Variants in VTI1A observed in about 807,000 individuals in gnomAD.
VTI1A encodes vesicle transport through interaction with t-SNAREs homolog 1A.
In VTI1A, 22 loss-of-function variants were observed where a neutral mutation model predicts 34.9. The ratio of observed to expected loss-of-function variants is 0.63; its 90% CI spans 0.45 to 0.90. VTI1A has a LOEUF of 0.90. Among genes scored for constraint, VTI1A ranks in the 40% least tolerant of loss-of-function variants. The pLI, the probability that VTI1A is intolerant of heterozygous loss-of-function variation, is 0.00. For missense variants in VTI1A, 268 were observed against 275.6 expected (o/e 0.97, Z 0.20); for synonymous variants, 87 against 97.3 (o/e 0.89, Z 0.62).
chr10:112,724,682 A>G (rs542078957), intron 7 of VTI1A, among the ~76,000 whole-genome samples: 1 of 151,968 alleles, frequency 6.6e-6, no homozygotes, highest in Non-Finnish European at 1.5e-5. Context: ...AAGTTTGGAC[A>G]TGAACTCAAA....
At chr10:112,713,134 T>C (rs1221622114) in intron 7 of VTI1A, among the ~76,000 whole-genome samples, 5 of 152,178 alleles carry the variant, frequency 3.3e-5, no homozygotes, top group Non-Finnish European at 7.3e-5. Flanking sequence ...AGATTTGAGA[T>C]GGACCCATGG....
intron 7 of VTI1A, among the ~76,000 whole-genome samples, chr10:112,774,228 G>A (rs1171431395): frequency 6.6e-6 from 1 of 152,248 alleles, no homozygotes; most frequent in East Asian, 1.9e-4. Context: ...GAGCTATTTT[G>A]TTGGGGAGAG....
At chr10:112,668,406 A>G (rs1847724186) in intron 6 of VTI1A, 118 bp downstream of exon 6, 1 of 1,106,520 alleles carries the variant, frequency 9.0e-7, no homozygotes. Flanking sequence ...GAAAGAGGGT[A>G]TAAGGTCTGT....
At chr10:112,659,091 C>T (rs1278311563) in intron 5 of VTI1A, among the ~76,000 whole-genome samples, 1 of 152,182 alleles carries the variant, frequency 6.6e-6, no homozygotes, top group Non-Finnish European at 1.5e-5. Context: ...TAATTACTTT[C>T]TAATCACCTC....
intron 1 of VTI1A, among the ~76,000 whole-genome samples, chr10:112,455,857 C>T (rs1203361125): frequency 6.6e-6 from 1 of 152,068 alleles, no homozygotes; most frequent in Middle Eastern, 3.2e-3. Context: ...GTTAACTCCA[C>T]CTCTATTCCA....
intron 5 of VTI1A, among the ~76,000 whole-genome samples, chr10:112,634,006 A>G (rs1461829631): frequency 1.3e-5 from 2 of 152,184 alleles, no homozygotes; most frequent in African/African-American, 2.4e-5. Flanking sequence ...CCTTTTTCCC[A>G]GAGTAATAGA....
chr10:112,710,933 C>T (rs1401992688), intron 7 of VTI1A, among the ~76,000 whole-genome samples: 1 of 152,162 alleles, frequency 6.6e-6, no homozygotes, highest in Non-Finnish European at 1.5e-5. Flanking sequence ...GTACAGGTTA[C>T]AAAATGTCAC....
intron 5 of VTI1A, among the ~76,000 whole-genome samples, chr10:112,651,594 C>T (rs1389508760): frequency 1.3e-5 from 2 of 152,226 alleles, no homozygotes; most frequent in Non-Finnish European, 2.9e-5. Context: ...CAGGCGTAAG[C>T]CACCGTGCCT....
At chr10:112,660,704 T>C (rs937403545) in intron 5 of VTI1A, among the ~76,000 whole-genome samples, 36 of 152,276 alleles carry the variant, frequency 2.4e-4, no homozygotes, top group African/African-American at 8.4e-4. Context: ...TAATTGAAAT[T>C]TAAATAGCCC....
the VTI1A span, among the ~76,000 whole-genome samples, chr10:112,849,089 G>A: frequency 6.6e-6 from 1 of 152,224 alleles, no homozygotes; most frequent in Non-Finnish European, 1.5e-5. Context: ...GTCTTGGCAG[G>A]AAGCAGCCTT....
At position 112,686,220 on chromosome 10, in the gene VTI1A, G is replaced by A. The variant is rs117423803; in HGVS notation, c.560+17222G>A. 5.8e-3 allele frequency among the ~76,000 whole-genome samples: 878 copies of A among 152,238 alleles called. 1 individual carries two copies. Among genetic ancestry groups the A allele is most frequent in the Non-Finnish European group, 9.3e-3 (631 of 68,016 alleles). ...CTATCTAGTAGAAGACTATGTGGCA[G>A]GTGAACCACTTCTTTCATTTTTCAG... On this transcript the variant is annotated intron_variant, in intron 7 of 7. Transcript: ENST00000393077.
At chr10:112,820,843 G>A (rs908454116), downstream of VTI1A, among the ~76,000 whole-genome samples, 5 of 152,212 alleles carry the variant, frequency 3.3e-5, no homozygotes, top group African/African-American at 2.4e-5. Flanking sequence ...TATGTTGGGG[G>A]TTGGGTAGCA....
At chr10:112,735,183 G>T (rs572766727) in intron 7 of VTI1A, among the ~76,000 whole-genome samples, 1 of 152,170 alleles carries the variant, frequency 6.6e-6, no homozygotes, top group South Asian at 2.1e-4. Flanking sequence ...AATCTCAAGA[G>T]TTTTATATGC....
chr10:112,789,846 A>G (rs148347616), intron 7 of VTI1A, among the ~76,000 whole-genome samples: 202 of 152,108 alleles, frequency 1.3e-3, no homozygotes, highest in African/African-American at 4.5e-3. Flanking sequence ...CATATTTCTA[A>G]TAGCTGCTTG....
intron 7 of VTI1A, among the ~76,000 whole-genome samples, chr10:112,788,373 T>C (rs77913434): frequency 0.082 from 12,510 of 152,272 alleles, 910 homozygotes; most frequent in African/African-American, 0.19. Context: ...CTCAATACAT[T>C]GATTGTCTTA....
chr10:112,846,853 C>CTACCAT, the VTI1A span, among the ~76,000 whole-genome samples: 1 of 151,940 alleles, frequency 6.6e-6, no homozygotes, highest in Non-Finnish European at 1.5e-5. Flanking sequence ...TGTCTACTGG[C>CTACCAT]TACCATATTG....
chr10:112,595,639 A>G (rs9663355), intron 5 of VTI1A, among the ~76,000 whole-genome samples: 1,724 of 151,910 alleles, frequency 0.011, 34 homozygotes, highest in African/African-American at 0.038. Context: ...TTAGAATGGC[A>G]ATCATTAAAA....
intron 5 of VTI1A, among the ~76,000 whole-genome samples, chr10:112,632,818 C>T (rs1846186037): frequency 1.3e-5 from 2 of 152,088 alleles, no homozygotes; most frequent in Non-Finnish European, 2.9e-5. Flanking sequence ...TATGTAGTGT[C>T]ACATGCATGT....
intron 7 of VTI1A, among the ~76,000 whole-genome samples, chr10:112,689,085 A>T (rs997658690): frequency 1.2e-4 from 19 of 152,302 alleles, no homozygotes; most frequent in Admixed American, 8.5e-4. Context: ...TATAGTGACC[A>T]TCCAAACCAC....
Sources: gnomAD v4.1 joint callset for allele counts (sites outside exome capture counted in the v4.1 genomes callset) on GRCh38, gnomAD v4.1.1 for gene constraint, MANE v1.5 for transcripts, NCBI Gene and HGNC (gene_info 2026-07-23, HGNC 2026-07-21) for gene names.